Variants in CATSPERG observed in about 807,000 individuals in gnomAD.
CATSPERG encodes cation channel sperm-associated auxiliary subunit gamma.
In CATSPERG, 115 loss-of-function variants were observed where a neutral mutation model predicts 145.0. The ratio of observed to expected loss-of-function variants is 0.79; its 90% confidence interval spans 0.68 to 0.93. The LOEUF (loss-of-function observed/expected upper bound fraction) is 0.93. Ranked by LOEUF, CATSPERG falls within the 40% of genes least tolerant of loss-of-function variation. The pLI is 0.00. For missense variants in CATSPERG, 1,296 were observed against 1,490.1 expected (o/e 0.87, Z 2.14); for synonymous variants, 588 against 589.0 (o/e 1.00, Z 0.02).
At chr19:38,336,902 G>C (rs1969847475) in intron 1 of CATSPERG, 2 of 445,730 alleles carry the variant, frequency 4.5e-6, no homozygotes, top group Admixed American at 3.5e-5. Context: ...TAGGGCTGGG[G>C]CCCGGAGCAA....
intron 8 of CATSPERG, 128 bp from the exon 9 acceptor site, chr19:38,354,582 C>A: frequency 9.1e-7 from 1 of 1,097,280 alleles, no homozygotes; most frequent in Non-Finnish European, 1.3e-6. Context: ...TCCCTGACAC[C>A]ACACTGAACG....
chr19:38,360,912 T>C lies in CATSPERG; in HGVS notation c.1880+69T>C, dbSNP rs1018408808. 11 of 1,310,864 alleles carry C rather than the reference T, an allele frequency of 8.4e-6. No individual in the cohort carries two copies. The East Asian group carries it at 2.7e-4, about 33-fold the overall frequency. The allele number at this position is 1,310,864 out of a possible 1,614,324, so 81.2% of individuals were successfully genotyped here. A position where few individuals can be genotyped will look rare whatever the true frequency, so the allele number is the denominator to read the frequency against. Reference sequence around the variant, plus strand: ...CACTGCCCTCCTGAAGCTACCATTCTTGAGAGAGGGGAGACCGAGCTAACC... The same window carrying C: ...CACTGCCCTCCTGAAGCTACCATTCCTGAGAGAGGGGAGACCGAGCTAACC... On this transcript the variant is annotated intron_variant, in intron 16 of 28. Coordinates refer to ENST00000409235, the MANE Select transcript of CATSPERG (RefSeq NM_021185.5).
rs140943683 is a variant in CATSPERG at position 38,370,602 on chromosome 19, G to A, written c.3290G>A (p.Gly1097Asp). Reference sequence around the variant, plus strand: ...CTCCTGTGGCCCCTCGTGGTGAAGGGCTGCACGATGATCCGGTGGAAGATA... The same window carrying A: ...CTCCTGTGGCCCCTCGTGGTGAAGGACTGCACGATGATCCGGTGGAAGATA... ...FCLLWPLVVKGCTMIRWKINN... is the reference protein window; with the variant it reads ...FCLLWPLVVKDCTMIRWKINN... The change falls in exon 29 of 29, where the codon GGC becomes GAC. Residue 1097 changes from glycine (G) to aspartate (D), a missense_variant. Coordinates refer to ENST00000409235, the MANE Select transcript of CATSPERG (RefSeq NM_021185.5). The A allele has an allele frequency of 1.2e-6, 2 of 1,614,032 alleles. No individual in the cohort carries two copies. Among genetic ancestry groups the A allele is most frequent in the Non-Finnish European group, 8.5e-7 (1 of 1,180,040 alleles).
rs754383308 is a variant in CATSPERG, at chr19:38,362,734, A to G, written c.2377A>G (p.Ser793Gly). 1.9e-6 allele frequency: 3 copies of G among 1,614,084 alleles called. No individual in the cohort carries two copies. The highest frequency in any genetic ancestry group is 2.5e-6 in the Non-Finnish European group (3 of 1,180,036). The stretch of plus-strand genomic sequence containing the variant: ...AGCAGGCACCGCCTTCCAGCTGCAT[A>G]GCCAGGTGGACGTGGGCGTGGTGCT... ...SELGTAFQLH[S>G]QVDVGVVLAD... is the part of the protein sequence containing the mutation. The change falls in exon 20 of 29, where the codon AGC (serine) becomes GGC (glycine). Residue 793 changes from serine to glycine, a missense_variant. Ser to Gly is a moderately conservative substitution (Grantham distance 56). Transcript: ENST00000409235.
At chr19:38,364,404 G>C (rs1432001769) in intron 20 of CATSPERG, among the ~76,000 whole-genome samples, 1 of 152,074 alleles carries the variant, frequency 6.6e-6, no homozygotes, top group Non-Finnish European at 1.5e-5. Flanking sequence ...TCAGACGATG[G>C]GCGGCCGGGC....
In CATSPERG at chr19:38,337,664, G is replaced by A. The variant is rs1371995552; in HGVS notation, c.324+18G>A. The A allele has an allele frequency of 3.9e-6, 6 of 1,549,174 alleles. No homozygotes were observed. Among genetic ancestry groups the A allele is most frequent in the Admixed American group, 2.0e-5 (1 of 50,962 alleles). On this transcript the variant is annotated intron_variant, in intron 3 of 28. Transcript: ENST00000409235. ...AGGAAAAGGTGAGTGGGTGCAGCACGGATAGGCTCATTCTATGAGCCTTGG... is the reference window on the plus strand; with the variant it reads ...AGGAAAAGGTGAGTGGGTGCAGCACAGATAGGCTCATTCTATGAGCCTTGG...
intron 6 of CATSPERG, among the ~76,000 whole-genome samples, chr19:38,344,901 A>ATATATAT (rs1468159196): frequency 2.5e-5 from 2 of 80,018 alleles, no homozygotes; most frequent in East Asian, 5.1e-4. Flanking sequence ...ATATATATAT[A>ATATATAT]TTTTTTTTTT....
In CATSPERG at chr19:38,346,442, C is replaced by G. The variant is rs1381025941; in HGVS notation, c.670-8C>G. On this transcript the variant is annotated splice_region_variant and splice_polypyrimidine_tract_variant and intron_variant, in intron 6 of 28. Coordinates refer to ENST00000409235, the MANE Select transcript of CATSPERG (RefSeq NM_021185.5). ...AGTGTTGGCGTCCCTCCTGTCCCTC[C>G]TTGGCAGCTCTTCAACCTGATGCCC... is the stretch of plus-strand genomic sequence containing the variant. 1 of 1,532,066 alleles carries G rather than the reference C, an allele frequency of 6.5e-7. No homozygotes were observed. The highest frequency in any genetic ancestry group is 2.5e-5 in the East Asian group (1 of 40,348). 94.9% of individuals were successfully genotyped at this position (1,532,066 alleles called of 1,614,324 possible).
rs554632089 is a variant in CATSPERG, at chr19:38,337,379, G to T, written c.145G>T (p.Val49Phe). 1.3e-6 allele frequency: 2 copies of T among 1,551,800 alleles called. No individual in the cohort carries two copies. Among genetic ancestry groups the T allele is most frequent in the South Asian group, 2.4e-5 (2 of 84,052 alleles). Residue 49 changes from valine to phenylalanine, a missense_variant, in exon 2 of 29, where the codon GTC (valine) becomes TTC (phenylalanine). Val to Phe is a conservative substitution (Grantham distance 50, BLOSUM62 -1). Transcript: ENST00000409235. ...KDFQECTWQVVLNEFKRVGES... is the reference protein window; with the variant it reads ...KDFQECTWQVFLNEFKRVGES... The stretch of plus-strand genomic sequence containing the variant: ...TTTCCAGGAATGCACCTGGCAGGTT[G>T]TCCTGAACGAGTTTAAGAGGGTAGG...
rs757166002 is a variant in CATSPERG at position 38,352,423 on chromosome 19, C to T, written c.988C>T (p.Arg330Cys). Reference protein sequence around the residue: ...GTYTTLYERNRGSGSWIRVLA... With the variant: ...GTYTTLYERNCGSGSWIRVLA... The stretch of plus-strand genomic sequence containing the variant: ...CTATACCACACTCTATGAGAGAAAC[C>T]GCGGCAGTGGTGAGTGTGCTGTGGC... The change falls in exon 8 of 29, where the codon CGC (arginine) becomes TGC (cysteine). Residue 330 changes from arginine to cysteine, a missense_variant. Physicochemically the swap from Arg to Cys is radical, Grantham distance 180 (BLOSUM62 -3). Transcript: ENST00000409235. The T allele has an allele frequency of 1.8e-5, 28 of 1,551,696 alleles. No individual in the cohort carries two copies. The Admixed American group carries it at 3.9e-4, about 22-fold the overall frequency.
intron 7 of CATSPERG, 101 bp downstream of exon 7, chr19:38,346,706 G>A: frequency 1.8e-6 from 2 of 1,101,374 alleles, no homozygotes; most frequent in East Asian, 2.8e-5. Flanking sequence ...AGTCCCCAAA[G>A]ACATATCTGT....
chr19:38,352,884 GTC>G (rs1970169818), intron 8 of CATSPERG, among the ~76,000 whole-genome samples: 1 of 151,760 alleles, frequency 6.6e-6, no homozygotes, highest in African/African-American at 2.4e-5. Context: ...AAAAAAGAGA[GTC>G]TAGGCACAGT....
Position 38,369,999 on chromosome 19 carries a change from C to T in CATSPERG, c.3048C>T (p.Cys1016=). 6.2e-7 allele frequency: 1 copy of T among 1,614,264 alleles called. No individual in the cohort carries two copies. Among genetic ancestry groups the T allele is most frequent in the South Asian group, 1.1e-5 (1 of 91,090 alleles). ...IEWLCLENAP[C]YDNVPQGIFA... Reference sequence around the variant, plus strand: ...GGCTCTGTCTGGAGAATGCCCCATGCTATGACAATGTTCCCCAAGGCATCT... The same window carrying T: ...GGCTCTGTCTGGAGAATGCCCCATGTTATGACAATGTTCCCCAAGGCATCT... The change falls in exon 27 of 29, where the codon TGC becomes TGT. Residue 1016 remains cysteine (C), a synonymous_variant. Transcript: ENST00000409235.
At chr19:38,364,805 A>T in intron 20 of CATSPERG, 86 bp from the exon 21 acceptor site, 2 of 1,063,380 alleles carry the variant, frequency 1.9e-6, no homozygotes, top group Admixed American at 1.7e-5. Context: ...ACCTCGCCCC[A>T]GCTATGGGTT....
intron 8 of CATSPERG, among the ~76,000 whole-genome samples, chr19:38,353,778 G>A (rs1224288163): frequency 6.7e-6 from 1 of 150,298 alleles, no homozygotes; most frequent in Non-Finnish European, 1.5e-5. Context: ...CGGATCACGA[G>A]GTCAGGAGTT....
At position 38,364,604 on chromosome 19, in the gene CATSPERG, C is replaced by A. The variant is rs183728463; in HGVS notation, c.2476-287C>A. ...GGCGGAGGTTGTAGCAAGCCGAGAT[C>A]ACGCCACTGCACTCCAGCCTGGACA... On this transcript the variant is annotated intron_variant, in intron 20 of 28. Transcript: ENST00000409235. Among the ~76,000 whole-genome samples, 235 of 152,364 alleles carry A rather than the reference C, an allele frequency of 1.5e-3. 3 individuals carry two copies. Among genetic ancestry groups the A allele is most frequent in the South Asian group, 3.7e-3 (18 of 4,832 alleles).
intron 9 of CATSPERG, among the ~76,000 whole-genome samples, chr19:38,355,451 CT>C (rs1568377602): frequency 1.3e-5 from 2 of 152,012 alleles, no homozygotes; most frequent in African/African-American, 4.8e-5. Context: ...AATCCCAGCA[CT>C]TTGGGAGGCT....
Position 38,344,320 on chromosome 19 carries a change from C to T in CATSPERG, c.621C>T (p.Phe207=). 1.3e-6 allele frequency: 2 copies of T among 1,551,758 alleles called. No homozygotes were observed. The highest frequency in any genetic ancestry group is 2.4e-5 in the East Asian group (1 of 40,918). ...GGTTCCAGATGAATATCAACGGCTT[C>T]CTGAAGAGAGACCGGGACAATAACA... is the stretch of plus-strand genomic sequence containing the variant. The part of the protein sequence containing the change: ...DKRFQMNING[F]LKRDRDNNIQ... Residue 207 remains phenylalanine (F), a synonymous_variant, in exon 6 of 29, where the codon TTC becomes TTT. Coordinates refer to ENST00000409235, the MANE Select transcript of CATSPERG (RefSeq NM_021185.5).
chr19:38,358,841 GT>G (rs112705504), intron 13 of CATSPERG, among the ~76,000 whole-genome samples: 4 of 150,716 alleles, frequency 2.7e-5, no homozygotes, highest in Non-Finnish European at 5.9e-5. Context: ...AGTTTCTAGG[GT>G]TTTTTTTTGT....
Sources: gnomAD v4.1 joint callset for allele counts (sites outside exome capture counted in the v4.1 genomes callset) on GRCh38, gnomAD v4.1.1 for gene constraint, MANE v1.5 for transcripts, NCBI Gene and HGNC (gene_info 2026-07-23, HGNC 2026-07-21) for gene names.